KLHL1: variants seen among roughly 807,000 people sequenced by gnomAD.
KLHL1 encodes kelch like family member 1.
In KLHL1, 47 loss-of-function variants were observed where a neutral mutation model predicts 77.7. The ratio of observed to expected loss-of-function variants is 0.60; its 90% CI spans 0.48 to 0.77. KLHL1 has a LOEUF of 0.77. Among genes scored for constraint, KLHL1 ranks in the 30% least tolerant of loss-of-function variants. KLHL1 has a pLI of 0.00. For synonymous variants in KLHL1, 360 were observed against 325.2 expected (o/e 1.11, Z -1.15); for missense variants, 925 against 910.8 (o/e 1.02, Z -0.20).
chr13:69,983,365 T>A (rs1288791002), intron 1 of KLHL1, among the ~76,000 whole-genome samples: 2 of 151,960 alleles, frequency 1.3e-5, no homozygotes, highest in Non-Finnish European at 2.9e-5. Context: ...TTGTATGAAA[T>A]TTATATGGAA....
chr13:69,881,004 C>T (rs1027343487), intron 5 of KLHL1, among the ~76,000 whole-genome samples: 5 of 152,148 alleles, frequency 3.3e-5, no homozygotes, highest in African/African-American at 4.8e-5. Flanking sequence ...TAGATACTAC[C>T]TGGCATTAGA....
intron 4 of KLHL1, among the ~76,000 whole-genome samples, chr13:69,934,959 T>C (rs1038535753): frequency 1.1e-5 from 1 of 88,100 alleles, no homozygotes. Flanking sequence ...TGTGTGTGCA[T>C]GTGTATATAT....
At chr13:69,810,187 G>A (rs1877807639) in intron 6 of KLHL1, among the ~76,000 whole-genome samples, 1 of 151,928 alleles carries the variant, frequency 6.6e-6, no homozygotes, top group African/African-American at 2.4e-5. Flanking sequence ...TTGAACAATT[G>A]GACTTAATAA....
intron 4 of KLHL1, among the ~76,000 whole-genome samples, chr13:69,939,288 G>T (rs1254303748): frequency 7.3e-6 from 1 of 137,078 alleles, no homozygotes; most frequent in Non-Finnish European, 1.5e-5. Flanking sequence ...ATGGCTTTTA[G>T]ATTCTCTACA....
intron 1 of KLHL1, among the ~76,000 whole-genome samples, chr13:70,080,460 C>A (rs1298024583): frequency 2.0e-5 from 3 of 152,148 alleles, no homozygotes; most frequent in Non-Finnish European, 4.4e-5. Flanking sequence ...TCTATTTCCT[C>A]TTTGCTGGAT....
chr13:69,786,391 A>G (rs1876550961), intron 7 of KLHL1, among the ~76,000 whole-genome samples: 1 of 152,208 alleles, frequency 6.6e-6, no homozygotes, highest in Admixed American at 6.5e-5. Flanking sequence ...TATAAACGGA[A>G]CCAAAGACAA....
intron 7 of KLHL1, among the ~76,000 whole-genome samples, chr13:69,761,392 G>T (rs1875013302): frequency 6.6e-6 from 1 of 152,130 alleles, no homozygotes; most frequent in African/African-American, 2.4e-5. Context: ...GCTACAGCCT[G>T]TTTACACCTC....
intron 4 of KLHL1, among the ~76,000 whole-genome samples, chr13:69,904,847 C>T (rs1881995022): frequency 6.6e-6 from 1 of 152,122 alleles, no homozygotes; most frequent in Non-Finnish European, 1.5e-5. Context: ...AATATGATTC[C>T]TTTAACTGCC....
At chr13:69,924,837 C>G (rs977009587) in intron 4 of KLHL1, among the ~76,000 whole-genome samples, 3 of 152,228 alleles carry the variant, frequency 2.0e-5, no homozygotes, top group African/African-American at 7.2e-5. Context: ...CTTCCAGATA[C>G]CACCATGTTC....
chr13:69,979,316 T>C (rs1395422551), intron 1 of KLHL1, among the ~76,000 whole-genome samples: 1 of 152,146 alleles, frequency 6.6e-6, no homozygotes, highest in Non-Finnish European at 1.5e-5. Context: ...TTTGTTTCAC[T>C]TGATTTTCTC....
At chr13:69,874,444 T>C (rs2138181658) in intron 5 of KLHL1, among the ~76,000 whole-genome samples, 1 of 152,270 alleles carries the variant, frequency 6.6e-6, no homozygotes, top group Admixed American at 6.5e-5. Flanking sequence ...ATATCTCCAC[T>C]TAAAATATTA....
At chr13:70,041,810 T>C (rs1246968075) in intron 1 of KLHL1, among the ~76,000 whole-genome samples, 2 of 152,064 alleles carry the variant, frequency 1.3e-5, no homozygotes, top group Non-Finnish European at 2.9e-5. Flanking sequence ...GCCAGGGACC[T>C]TGTTATTGCC....
chr13:69,775,024 G>A (rs1417186285), intron 7 of KLHL1, among the ~76,000 whole-genome samples: 3 of 152,128 alleles, frequency 2.0e-5, no homozygotes, highest in African/African-American at 7.2e-5. Flanking sequence ...TATTAAATCT[G>A]ACAATCTAAT....
intron 1 of KLHL1, among the ~76,000 whole-genome samples, chr13:70,076,390 T>A (rs1330635288): frequency 6.6e-6 from 1 of 150,762 alleles, no homozygotes; most frequent in African/African-American, 2.4e-5. Context: ...GGATAATCTT[T>A]TTTTTTTTTT....
intron 7 of KLHL1, among the ~76,000 whole-genome samples, chr13:69,784,532 A>ATCCTAGTCTCTGATAAAACAGACTT (rs1483525290): frequency 2.6e-5 from 4 of 152,054 alleles, no homozygotes; most frequent in Non-Finnish European, 5.9e-5. Context: ...AGGGGTTGCA[A>ATCCTAGTCTCTGATAAAACAGACTT]TCCTAGTCTC....
intron 8 of KLHL1, among the ~76,000 whole-genome samples, chr13:69,733,348 T>G (rs2137917853): frequency 6.6e-6 from 1 of 152,292 alleles, no homozygotes; most frequent in South Asian, 2.1e-4. Flanking sequence ...TTACTTAAGC[T>G]AATTTGCAAA....
intron 1 of KLHL1, among the ~76,000 whole-genome samples, chr13:70,075,761 A>ATATATATATATATACATATATATG (rs1887255223): frequency 6.4e-5 from 1 of 15,664 alleles, no homozygotes; most frequent in African/African-American, 1.4e-4. Context: ...ATACACACAC[A>ATATATATATATATACATATATATG]TATATATATA....
chr13:69,885,520 G>A lies in KLHL1; in HGVS notation c.1015-3025C>T, dbSNP rs181302914. 1.5e-3 allele frequency among the ~76,000 whole-genome samples: 227 copies of A among 151,540 alleles called. 1 individual carries two copies. Among genetic ancestry groups the A allele is most frequent in the Non-Finnish European group, 1.3e-3 (85 of 67,916 alleles). On this transcript the variant is annotated intron_variant, in intron 4 of 10. Transcript: ENST00000377844. Reference sequence around the variant, plus strand: ...TCATTTTAATGATACTTTGTTTATGGTACCTACAATGTAGGTTCTGGAAAT... The same window carrying A: ...TCATTTTAATGATACTTTGTTTATGATACCTACAATGTAGGTTCTGGAAAT...
At chr13:69,996,188 A>T (rs2137319322) in intron 1 of KLHL1, among the ~76,000 whole-genome samples, 1 of 152,142 alleles carries the variant, frequency 6.6e-6, no homozygotes, top group South Asian at 2.1e-4. Flanking sequence ...CTATAATCCC[A>T]GCTACTCAGG....
Sources: allele counts gnomAD v4.1 joint callset (sites outside exome capture counted in the v4.1 genomes callset), GRCh38; gene constraint gnomAD v4.1.1; transcripts MANE v1.5; gene names NCBI Gene and HGNC (gene_info 2026-07-23, HGNC 2026-07-21).